The following CARMIL1 variants were observed in gnomAD, a reference collection of about 807,000 sequenced individuals.
The protein encoded by CARMIL1 is F-actin-uncapping protein LRRC16A.
In CARMIL1, 90 loss-of-function variants were observed where a neutral mutation model predicts 177.1. The ratio of observed to expected loss-of-function variants is 0.51; its 90% confidence interval spans 0.43 to 0.61. The LOEUF (loss-of-function observed/expected upper bound fraction) is 0.61, where lower values mean the gene tolerates loss of function less well. CARMIL1 is among the 20% of genes least tolerant of loss of function. The pLI, the probability that CARMIL1 is intolerant of heterozygous loss-of-function variation, is 0.00. For synonymous variants in CARMIL1, 577 were observed against 606.2 expected (o/e 0.95, Z 0.71); for missense variants, 1,380 against 1,667.0 (o/e 0.83, Z 3.00).
chr6:25,517,830 G>A (rs1432698043), intron 22 of CARMIL1, among the ~76,000 whole-genome samples: 1 of 152,214 alleles, frequency 6.6e-6, no homozygotes, highest in African/African-American at 2.4e-5. Context: ...AAATAAAGGT[G>A]AAATTGATAA....
intron 26 of CARMIL1, among the ~76,000 whole-genome samples, chr6:25,540,915 A>C (rs1808826483): frequency 6.6e-6 from 1 of 152,160 alleles, no homozygotes. Flanking sequence ...CTTTTTAAGG[A>C]GTTTAATCCC....
chr6:25,450,295 T>A, intron 6 of CARMIL1, 44 bp from the exon 7 acceptor site: 1 of 1,371,728 alleles, frequency 7.3e-7, no homozygotes, highest in Non-Finnish European at 1.0e-6. Context: ...AATTTAAACA[T>A]CATTTTGCCA....
At chr6:25,308,522 C>T (rs1281656464) in intron 2 of CARMIL1, among the ~76,000 whole-genome samples, 1 of 151,930 alleles carries the variant, frequency 6.6e-6, no homozygotes, top group Non-Finnish European at 1.5e-5. Flanking sequence ...GCAGGGACTA[C>T]AGGCGCGTGC....
At chr6:25,366,531 A>G (rs1196737538) in intron 2 of CARMIL1, among the ~76,000 whole-genome samples, 2 of 149,586 alleles carry the variant, frequency 1.3e-5, no homozygotes, top group East Asian at 4.0e-4. Flanking sequence ...TTATGTATCT[A>G]TGCATTGTTT....
intron 2 of CARMIL1, among the ~76,000 whole-genome samples, chr6:25,332,245 T>G (rs910260463): frequency 2.0e-5 from 3 of 152,212 alleles, no homozygotes; most frequent in Non-Finnish European, 4.4e-5. Context: ...TTTTTGTCTT[T>G]CCAGCCTAGG....
Position 25,600,642 on chromosome 6 carries a change from A to G in CARMIL1, c.3448A>G (p.Ser1150Gly), listed in dbSNP as rs774378688. ...GAAGGTGGAACGGAGTGACAGCAAG[A>G]GCAGCCCACAGGCAGGGCGGAGGTA... The part of the protein sequence containing the change: ...IGKVERSDSK[S>G]SPQAGRRYGV... Residue 1150 changes from serine (S) to glycine (G), a missense_variant, in exon 33 of 37, where the codon AGC becomes GGC. Physicochemically the swap from Ser to Gly is moderately conservative, Grantham distance 56 (BLOSUM62 0). Transcript: ENST00000329474. 6.2e-6 allele frequency: 10 copies of G among 1,613,700 alleles called. No homozygotes were observed. Among genetic ancestry groups the G allele is most frequent in the Non-Finnish European group, 8.5e-6 (10 of 1,179,800 alleles).
chr6:25,484,232 C>A (rs1319807542), intron 12 of CARMIL1, among the ~76,000 whole-genome samples: 1 of 152,210 alleles, frequency 6.6e-6, no homozygotes, highest in East Asian at 1.9e-4. Flanking sequence ...ACAATAAGGG[C>A]TTTGCCTCGT....
intron 5 of CARMIL1, among the ~76,000 whole-genome samples, chr6:25,436,390 G>A (rs1467038284): frequency 6.6e-6 from 1 of 152,214 alleles, no homozygotes; most frequent in Non-Finnish European, 1.5e-5. Context: ...ACAGGGAAGG[G>A]CTGGAGGCCC....
At chr6:25,437,951 C>T (rs1270059895) in intron 5 of CARMIL1, among the ~76,000 whole-genome samples, 5 of 152,118 alleles carry the variant, frequency 3.3e-5, no homozygotes, top group Non-Finnish European at 5.9e-5. Flanking sequence ...TACTGTCATC[C>T]GAGTTATCTT....
At chr6:25,488,784 A>G (rs1174466735) in intron 13 of CARMIL1, among the ~76,000 whole-genome samples, 199 bp downstream of exon 13, 1 of 152,084 alleles carries the variant, frequency 6.6e-6, no homozygotes, top group East Asian at 1.9e-4. Flanking sequence ...TATCACCACA[A>G]TTATTTTTTT....
intron 24 of CARMIL1, among the ~76,000 whole-genome samples, chr6:25,529,755 CAAAAAAAA>C (rs70977217): frequency 0.022 from 726 of 33,198 alleles, 3 homozygotes; most frequent in African/African-American, 0.057. Flanking sequence ...ACTCCGTCTC[CAAAAAAAA>C]AAAAAAAAAA....
At chr6:25,565,192 A>G (rs1466711178) in intron 29 of CARMIL1, among the ~76,000 whole-genome samples, 2 of 152,236 alleles carry the variant, frequency 1.3e-5, no homozygotes, top group Non-Finnish European at 2.9e-5. Flanking sequence ...AAGGGAAGGC[A>G]TGAGCCTTAT....
At chr6:25,529,338 A>G (rs1315621606) in intron 24 of CARMIL1, among the ~76,000 whole-genome samples, 1 of 152,196 alleles carries the variant, frequency 6.6e-6, no homozygotes, top group African/African-American at 2.4e-5. Flanking sequence ...AGTTTGATGA[A>G]TATTAATTAA....
chr6:25,469,800 A>G lies in CARMIL1; in HGVS notation c.691-1369A>G, dbSNP rs112169301. 3.7e-3 allele frequency among the ~76,000 whole-genome samples: 567 copies of G among 152,320 alleles called. 1 individual carries two copies. Among genetic ancestry groups the G allele is most frequent in the African/African-American group, 0.013 (521 of 41,578 alleles). ...GGCTGGTCTTGAACTCTTGAGCTCA[A>G]GTAATCTGCCTTCCTCAGTTTCCCA... On this transcript the variant is annotated intron_variant, in intron 9 of 36. Coordinates refer to ENST00000329474, the MANE Select transcript of CARMIL1 (RefSeq NM_017640.6).
chr6:25,450,661 C>G lies in CARMIL1; in HGVS notation c.564C>G (p.Thr188=), dbSNP rs371039331. 46 of 1,603,692 alleles carry G rather than the reference C, an allele frequency of 2.9e-5. No homozygotes were observed. In the African/African-American group the frequency reaches 6.0e-4, roughly 21 times the overall value. ...AGGATGTGGATACAATTTATCTTAC[C>G]CAAGACACCAGGGAATTGAATTTAC... is the stretch of plus-strand genomic sequence containing the variant. ...VQWDVDTIYL[T]QDTRELNLQD... The change falls in exon 8 of 37, where the codon ACC becomes ACG. Residue 188 remains threonine (T), a synonymous_variant. Coordinates refer to ENST00000329474, the MANE Select transcript of CARMIL1 (RefSeq NM_017640.6).
chr6:25,595,611 C>T (rs1054762324), intron 32 of CARMIL1, among the ~76,000 whole-genome samples: 1 of 152,136 alleles, frequency 6.6e-6, no homozygotes, highest in African/African-American at 2.4e-5. Context: ...CCCACCCCCC[C>T]GAATTAATTG....
At chr6:25,289,879 G>A (rs764087541) in intron 2 of CARMIL1, among the ~76,000 whole-genome samples, 6 of 152,202 alleles carry the variant, frequency 3.9e-5, no homozygotes, top group Non-Finnish European at 7.3e-5. Context: ...TAAAACTGGT[G>A]TAAACATTTG....
At chr6:25,484,118 A>T (rs1306550497) in intron 12 of CARMIL1, among the ~76,000 whole-genome samples, 1 of 152,214 alleles carries the variant, frequency 6.6e-6, no homozygotes, top group African/African-American at 2.4e-5. Flanking sequence ...CACACCCTGT[A>T]TGACTAGATG....
Position 25,279,482 on chromosome 6 carries a change from G to A in CARMIL1, c.-314G>A, listed in dbSNP as rs1341110337. ...GCCGGGGACCAGCGAGCCGGGAGGAGGAGCAGGCGCCACAGCCGCCCCGCG... is the reference window on the plus strand; with the variant it reads ...GCCGGGGACCAGCGAGCCGGGAGGAAGAGCAGGCGCCACAGCCGCCCCGCG... On this transcript the variant is annotated 5_prime_UTR_variant, in exon 1 of 37. Coordinates refer to ENST00000329474, the MANE Select transcript of CARMIL1 (RefSeq NM_017640.6). The A allele has an allele frequency of 1.3e-5, 6 of 463,392 alleles. No individual in the cohort carries two copies. The highest frequency in any genetic ancestry group is 2.3e-5 in the South Asian group (1 of 42,996). 28.7% of individuals were successfully genotyped at this position (463,392 alleles called of 1,614,324 possible). A position where few individuals can be genotyped will look rare whatever the true frequency, so the allele number is the denominator to read the frequency against.
Sources: allele counts gnomAD v4.1 joint callset (sites outside exome capture counted in the v4.1 genomes callset), GRCh38; gene constraint gnomAD v4.1.1; transcripts MANE v1.5; gene names NCBI Gene and HGNC (gene_info 2026-07-23, HGNC 2026-07-21).